Variants in TLR1 observed in about 807,000 individuals in gnomAD.
The protein encoded by TLR1 is toll-like receptor 1.
A neutral mutation model predicts 20.2 loss-of-function variants in TLR1; 19 were observed. The observed-to-expected ratio is 0.94, with a 90% CI of 0.66 to 1.38. TLR1 has a LOEUF of 1.38. TLR1 is among the 40% of genes most tolerant of loss of function. The pLI is 0.00. For synonymous variants in TLR1, 320 were observed against 334.5 expected, an observed-to-expected ratio of 0.96 and a Z score of 0.47; for missense variants, 921 against 910.0, an observed-to-expected ratio of 1.01 and a Z score of -0.16.
Position 38,798,193 on chromosome 4 carries a change from T to C in TLR1, c.639A>G (p.Val213=). Residue 213 remains valine, a synonymous_variant, in exon 4 of 4, where the codon GTA becomes GTG. Coordinates refer to ENST00000308979, the MANE Select transcript of TLR1 (RefSeq NM_003263.4). ...TGATATTAGATAGTTCCAGATTTGC[T>C]ACAGTCTTGACTGACACATCCAAAA... is the stretch of plus-strand genomic sequence containing the variant. The part of the protein sequence containing the change: ...HFILDVSVKT[V]ANLELSNIKC... 6.2e-7 allele frequency: 1 copy of C among 1,614,126 alleles called. No homozygotes were observed. The highest frequency in any genetic ancestry group is 8.5e-7 in the Non-Finnish European group (1 of 1,179,978).
At chr4:38,800,203 A>T (rs1726539992) in intron 3 of TLR1, among the ~76,000 whole-genome samples, 1 of 152,164 alleles carries the variant, frequency 6.6e-6, no homozygotes, top group Admixed American at 6.5e-5. Context: ...CCTGAGATGG[A>T]ATTGAGCTTG....
downstream of TLR1, among the ~76,000 whole-genome samples, chr4:38,792,277 T>A (rs1009891404): frequency 3.3e-5 from 5 of 152,164 alleles, no homozygotes; most frequent in African/African-American, 1.2e-4. Flanking sequence ...TTTGGTCTCC[T>A]AAGCCCCATT....
rs771068215 is a variant in TLR1, at chr4:38,798,767, G to A, written c.65C>T (p.Ser22Phe). ...ATCAACTAAAAATTCACTTTCTTCA[G>A]ATAATTGTATTCTGATCTGAAGTAT... ...MLILQIRIQLSEESEFLVDRS... is the reference protein window; with the variant it reads ...MLILQIRIQLFEESEFLVDRS... Residue 22 changes from serine (S) to phenylalanine (F), a missense_variant, in exon 4 of 4, where the codon TCT becomes TTT. By Grantham distance (155) the Ser-to-Phe change is radical (BLOSUM62 -2). Transcript: ENST00000308979. The A allele has an allele frequency of 5.0e-6, 8 of 1,612,074 alleles. No homozygotes were observed. Among genetic ancestry groups the A allele is most frequent in the Non-Finnish European group, 5.9e-6 (7 of 1,179,810 alleles).
Position 38,798,136 on chromosome 4 carries a change from G to A in TLR1, c.696C>T (p.Tyr232=), listed in dbSNP as rs1053389992. 5 of 1,613,824 alleles carry A rather than the reference G, an allele frequency of 3.1e-6. No individual in the cohort carries two copies. In the African/African-American group the frequency reaches 6.7e-5, roughly 22 times the overall value. Residue 232 remains tyrosine (Y), a synonymous_variant, in exon 4 of 4, where the codon TAC becomes TAT. Coordinates refer to ENST00000308979, the MANE Select transcript of TLR1 (RefSeq NM_003263.4). ...GAAGTTTCGCCAGAATACTTAGGAAGTAAGAACATTTGTTATCTTCTAGCA... is the reference window on the plus strand; with the variant it reads ...GAAGTTTCGCCAGAATACTTAGGAAATAAGAACATTTGTTATCTTCTAGCA... The part of the protein sequence containing the change: ...KCVLEDNKCS[Y]FLSILAKLQT...
rs369737596 is a variant in TLR1 at position 38,796,971 on chromosome 4, G to A, written c.1861C>T (p.Arg621Cys). ...RMVCQWTQTR[R>C]RARNIPLEEL... Reference sequence around the variant, plus strand: ...TCTAAGGGTATGTTCCTGGCCCTGCGCCGGGTCTGGGTCCACTGGCACACC... The same window carrying A: ...TCTAAGGGTATGTTCCTGGCCCTGCACCGGGTCTGGGTCCACTGGCACACC... Residue 621 changes from arginine (R) to cysteine (C), a missense_variant, in exon 4 of 4, where the codon CGC (arginine) becomes TGC (cysteine). Transcript: ENST00000308979. 23 of 1,614,044 alleles carry A rather than the reference G, an allele frequency of 1.4e-5. No individual in the cohort carries two copies. The highest frequency in any genetic ancestry group is 2.2e-5 in the East Asian group (1 of 44,892).
At chr4:38,804,144 A>G (rs764656743) in intron 2 of TLR1, among the ~76,000 whole-genome samples, 162 bp downstream of exon 2, 17 of 152,238 alleles carry the variant, frequency 1.1e-4, no homozygotes, top group Non-Finnish European at 2.4e-4. Flanking sequence ...TTATAAAACA[A>G]ATTCACTTTC....
chr4:38,787,740 T>C (rs1135430), downstream of TLR1, among the ~76,000 whole-genome samples: 44,469 of 151,910 alleles, frequency 0.29, 7,209 homozygotes, highest in Middle Eastern at 0.53. Context: ...TCAATTCAGG[T>C]TTGTCACTTT....
rs995657631 is a variant in TLR1 at position 38,796,617 on chromosome 4, T to C, written c.2215A>G (p.Ile739Val). The stretch of plus-strand genomic sequence containing the variant: ...TTGAGCTTGTGATAACTGCTAGGAA[T>C]GGAGTACTGCGGAATGGGTTCCAGC... ...ILLEPIPQYS[I>V]PSSYHKLKSL... The change falls in exon 4 of 4, where the codon ATT (isoleucine) becomes GTT (valine). Residue 739 changes from isoleucine to valine, a missense_variant. Physicochemically the swap from Ile to Val is conservative, Grantham distance 29. Transcript: ENST00000308979. The C allele has an allele frequency of 5.6e-6, 9 of 1,614,068 alleles. No homozygotes were observed. Among genetic ancestry groups the C allele is most frequent in the South Asian group, 1.1e-5 (1 of 91,096 alleles).
chr4:38,794,158 G>A (rs1183997062), downstream of TLR1, among the ~76,000 whole-genome samples: 4 of 152,162 alleles, frequency 2.6e-5, no homozygotes, highest in South Asian at 4.1e-4. Flanking sequence ...CCTTGAAAAC[G>A]AATACATAAC....
chr4:38,792,643 C>G (rs1310932231), downstream of TLR1, among the ~76,000 whole-genome samples: 2 of 151,832 alleles, frequency 1.3e-5, no homozygotes, highest in African/African-American at 4.8e-5. Context: ...CATCTTAATC[C>G]TATACATTAT....
chr4:38,792,099 A>G (rs942832681), downstream of TLR1, among the ~76,000 whole-genome samples: 3 of 152,220 alleles, frequency 2.0e-5, no homozygotes, highest in African/African-American at 7.2e-5. Context: ...GATGAGAAAA[A>G]GGAGGCTAGG....
At chr4:38,794,111 C>T (rs933745549), downstream of TLR1, among the ~76,000 whole-genome samples, 3 of 152,148 alleles carry the variant, frequency 2.0e-5, no homozygotes, top group Non-Finnish European at 4.4e-5. Flanking sequence ...GTTGTTTAGG[C>T]CACCCAGCTT....
chr4:38,800,158 G>A (rs1483301323), intron 3 of TLR1, among the ~76,000 whole-genome samples: 2 of 152,156 alleles, frequency 1.3e-5, no homozygotes, highest in African/African-American at 4.8e-5. Context: ...GTAACCTACA[G>A]CATTTCTGGC....
Position 38,797,377 on chromosome 4 carries a change from T to A in TLR1, c.1455A>T (p.Gly485=), listed in dbSNP as rs768178959. Residue 485 remains glycine (G), a synonymous_variant, in exon 4 of 4, where the codon GGA becomes GGT. Coordinates refer to ENST00000308979, the MANE Select transcript of TLR1 (RefSeq NM_003263.4). ...VAFNSLTDLP[G]CGSFSSLSVL... ...CAGAAAGGCTGCTAAAGCTGCCACA[T>A]CCAGGAAGGTCAGTTAAAGAATTGA... 1 of 1,614,072 alleles carries A rather than the reference T, an allele frequency of 6.2e-7. No individual in the cohort carries two copies. The highest frequency in any genetic ancestry group is 2.2e-5 in the East Asian group (1 of 44,878).
chr4:38,801,066 G>T (rs1356685171), intron 2 of TLR1, 118 bp from the exon 3 acceptor site: 2 of 152,598 alleles, frequency 1.3e-5, no homozygotes, highest in African/African-American at 4.8e-5. Context: ...TTCCTCTCCA[G>T]CTTCCTTAAA....
chr4:38,787,873 G>A (rs933877710), downstream of TLR1, among the ~76,000 whole-genome samples: 5 of 152,128 alleles, frequency 3.3e-5, no homozygotes, highest in African/African-American at 9.7e-5. Context: ...ATGCACCCAC[G>A]AAACTTTCCC....
chr4:38,792,204 G>C (rs959283496), downstream of TLR1, among the ~76,000 whole-genome samples: 1 of 152,102 alleles, frequency 6.6e-6, no homozygotes, highest in Non-Finnish European at 1.5e-5. Context: ...CAGCATGCCG[G>C]TTTACAAAGC....
chr4:38,794,291 T>C (rs760531561), downstream of TLR1, among the ~76,000 whole-genome samples: 5 of 152,188 alleles, frequency 3.3e-5, no homozygotes, highest in Non-Finnish European at 7.3e-5. Flanking sequence ...TACAGAACAA[T>C]AGTTCTCCTA....
chr4:38,788,989 C>T (rs1311881007), downstream of TLR1, among the ~76,000 whole-genome samples: 1 of 152,086 alleles, frequency 6.6e-6, no homozygotes, highest in Non-Finnish European at 1.5e-5. Context: ...ACAAGTGGCA[C>T]AGCAAGACTC....
Sources: gnomAD v4.1 joint callset for allele counts (sites outside exome capture counted in the v4.1 genomes callset) on GRCh38, gnomAD v4.1.1 for gene constraint, MANE v1.5 for transcripts, NCBI Gene and HGNC (gene_info 2026-07-23, HGNC 2026-07-21) for gene names.